The following LIPE variants were observed in gnomAD, a reference collection of about 807,000 sequenced individuals.
LIPE encodes hormone-sensitive lipase.
Under a neutral mutation model 88.5 loss-of-function variants are expected in LIPE, and 66 were observed. The observed-to-expected ratio is 0.75, with a 90% CI of 0.61 to 0.91. The LOEUF (loss-of-function observed/expected upper bound fraction) is 0.91, where lower values mean the gene tolerates loss of function less well. LIPE is among the 40% of genes least tolerant of loss of function. The pLI is 0.00. For synonymous variants in LIPE, 570 were observed against 617.5 expected (o/e 0.92, Z 1.14); for missense variants, 1,346 against 1,434.7 (o/e 0.94, Z 1.00).
intron 1 of LIPE, chr19:42,423,751 G>A (rs1032875658): frequency 8.9e-7 from 1 of 1,117,936 alleles, no homozygotes; most frequent in Admixed American, 4.9e-5. Flanking sequence ...GCCCCCTACC[G>A]CGCATTAAAG....
intron 1 of LIPE, chr19:42,423,072 G>T (rs1322323207): frequency 3.9e-6 from 1 of 256,360 alleles, no homozygotes; most frequent in South Asian, 3.3e-5. Flanking sequence ...CCTGAACATC[G>T]GCGCTTGAAG....
intron 1 of LIPE, among the ~76,000 whole-genome samples, chr19:42,415,222 A>C (rs532127552): frequency 1.3e-5 from 2 of 152,274 alleles, no homozygotes; most frequent in South Asian, 4.1e-4. Flanking sequence ...ATAGAGCGAG[A>C]GTCTGTCTCA....
rs766468332 is a variant in LIPE at position 42,410,455 on chromosome 19, G to A, written c.1271C>T (p.Ala424Val). 3 of 1,614,166 alleles carry A rather than the reference G, an allele frequency of 1.9e-6. No individual in the cohort carries two copies. Among genetic ancestry groups the A allele is most frequent in the Non-Finnish European group, 1.7e-6 (2 of 1,180,038 alleles). The change falls in exon 2 of 10, where the codon GCT becomes GTT. Residue 424 changes from alanine (A) to valine (V), a missense_variant. Coordinates refer to ENST00000244289, the MANE Select transcript of LIPE (RefSeq NM_005357.4). This position sits in a 1 kb window ranked among gnomAD's most constrained non-coding sequence, Gnocchi z 6.1. ...AYLAALTQLR[A>V]LVYYAQRLLV... ...CAGGCGCTGGGCGTAGTAGACCAGA[G>A]CGCGGAGCTGGGTGAGGGCAGCCAG...
intron 1 of LIPE, among the ~76,000 whole-genome samples, chr19:42,411,759 A>G (rs550349810): frequency 6.6e-6 from 1 of 152,230 alleles, no homozygotes; most frequent in Admixed American, 6.5e-5. Flanking sequence ...CCTGGGTTGC[A>G]TGGCCGGCCC....
chr19:42,427,050 T>TG lies in LIPE; in HGVS notation c.99dup (p.Ile34HisfsTer35). Reference sequence around the variant, plus strand: ...AGAGTCTTCGATTCTGGCTGGGCTATGGGTGTCTTTTCTGGCCCAGGCTCT... The same window carrying TG: ...AGAGTCTTCGATTCTGGCTGGGCTATGGGGTGTCTTTTCTGGCCCAGGCTCT... On this transcript the variant is annotated frameshift_variant, in exon 1 of 10. Coordinates refer to ENST00000244289, the MANE Select transcript of LIPE (RefSeq NM_005357.4). LOFTEE classifies it high-confidence loss of function. The TG allele has an allele frequency of 1.2e-6, 2 of 1,613,962 alleles. No individual in the cohort carries two copies. The highest frequency in any genetic ancestry group is 1.1e-5 in the South Asian group (1 of 91,068).
chr19:42,405,972 TCTCTCACACACACACACA>T, intron 7 of LIPE, 171 bp downstream of exon 7: 1 of 563,048 alleles, frequency 1.8e-6, no homozygotes. Flanking sequence ...TCTCTCTCTC[TCTCTCACACACACACACA>T]CACACACACA....
chr19:42,410,703 T>C lies in LIPE; in HGVS notation c.1023A>G (p.Val341=), dbSNP rs1200652330. The change falls in exon 2 of 10, where the codon GTA becomes GTG. Residue 341 remains valine (V), a synonymous_variant. Coordinates refer to ENST00000244289, the MANE Select transcript of LIPE (RefSeq NM_005357.4). This position sits in a 1 kb window ranked among gnomAD's most constrained non-coding sequence, Gnocchi z 6.1. ...AQRLSGVFAG[V]REQALGLEPA... ...GCTCCAGCCCCAGCGCCTGCTCCCG[T>C]ACACCGGCAAAAACGCCTGACAGCC... The C allele has an allele frequency of 6.2e-7, 1 of 1,613,658 alleles. No individual in the cohort carries two copies. Among genetic ancestry groups the C allele is most frequent in the East Asian group, 2.2e-5 (1 of 44,866 alleles).
chr19:42,423,319 C>A, intron 1 of LIPE: 1 of 934,358 alleles, frequency 1.1e-6, no homozygotes, highest in Non-Finnish European at 1.5e-6. Context: ...CCGCGGACCC[C>A]CCCAACTCCC....
intron 1 of LIPE, among the ~76,000 whole-genome samples, chr19:42,417,987 T>TA (rs1262449252): frequency 7.3e-6 from 1 of 137,542 alleles, no homozygotes; most frequent in East Asian, 1.9e-4. Flanking sequence ...TGACCCCCAT[T>TA]TTTTTTTTTT....
chr19:42,410,908 A>G lies in LIPE; in HGVS notation c.884-66T>C, dbSNP rs2040357222. ...AAGCCTTGCTTAGCTGGGGCCCAGG[A>G]GTCTGGGCCATAGCTTACCCACTCC... On this transcript the variant is annotated intron_variant, in intron 1 of 9. Coordinates refer to ENST00000244289, the MANE Select transcript of LIPE (RefSeq NM_005357.4). This position sits in a 1 kb window ranked among gnomAD's most constrained non-coding sequence, Gnocchi z 6.1. 1 of 1,426,908 alleles carries G rather than the reference A, an allele frequency of 7.0e-7. No individual in the cohort carries two copies. The allele number at this position is 1,426,908 out of a possible 1,614,324, so 88.4% of individuals were successfully genotyped here. A position where few individuals can be genotyped will look rare whatever the true frequency, so the allele number is the denominator to read the frequency against.
chr19:42,422,707 C>T (rs1297011984), intron 1 of LIPE, among the ~76,000 whole-genome samples: 1 of 152,126 alleles, frequency 6.6e-6, no homozygotes, highest in Non-Finnish European at 1.5e-5. Flanking sequence ...GCCTTTGTTC[C>T]GCCTTTTGAG....
At position 42,408,564 on chromosome 19, in the gene LIPE, G is replaced by T; in HGVS notation, c.1420-242C>A. 1 of 498,600 alleles carries T rather than the reference G, an allele frequency of 2.0e-6. No homozygotes were observed. The highest frequency in any genetic ancestry group is 2.3e-5 in the South Asian group (1 of 44,020). The allele number at this position is 498,600 out of a possible 1,614,324, so 30.9% of individuals were successfully genotyped here. ...CATGACAAGGAATGACGAATGGTTT[G>T]GAAAAAAAAAAAGGCAGTAGGTGGA... On this transcript the variant is annotated intron_variant, in intron 2 of 9. Coordinates refer to ENST00000244289, the MANE Select transcript of LIPE (RefSeq NM_005357.4). The surrounding 1 kb of genome is among the most constrained non-coding windows in gnomAD (Gnocchi z 4.3).
At position 42,424,960 on chromosome 19, in the gene LIPE, C is replaced by T. The variant is rs1234359414; in HGVS notation, c.883+1307G>A. ...GCCCGTTATCCTCTGATGCTGCTCC[C>T]CCAACTTTCCTGCCGTCAGTCCCTG... On this transcript the variant is annotated intron_variant, in intron 1 of 9. Transcript: ENST00000244289. 3 of 291,002 alleles carry T rather than the reference C, an allele frequency of 1.0e-5. No individual in the cohort carries two copies. In the Admixed American group the frequency reaches 1.5e-4, roughly 15 times the overall value. 18.0% of individuals were successfully genotyped at this position (291,002 alleles called of 1,614,324 possible). A position where few individuals can be genotyped will look rare whatever the true frequency, so the allele number is the denominator to read the frequency against.
At chr19:42,416,518 G>C (rs896567449) in intron 1 of LIPE, among the ~76,000 whole-genome samples, 1 of 152,342 alleles carries the variant, frequency 6.6e-6, no homozygotes, top group South Asian at 2.1e-4. Flanking sequence ...TTCCTAGCTG[G>C]AGGGGAGGTC....
intron 8 of LIPE, among the ~76,000 whole-genome samples, chr19:42,404,391 C>T (rs752685276): frequency 7.9e-5 from 12 of 152,072 alleles, no homozygotes; most frequent in Non-Finnish European, 1.3e-4. Context: ...CCACCATGCC[C>T]GGCTAATTTT....
chr19:42,408,105 A>G lies in LIPE; in HGVS notation c.1527T>C (p.Ser509=). The change falls in exon 4 of 10, where the codon TCT becomes TCC. Residue 509 remains serine, a synonymous_variant. Transcript: ENST00000244289. This position sits in a 1 kb window ranked among gnomAD's most constrained non-coding sequence, Gnocchi z 4.3. ...NETGLSVAAS[S]LFTSGRFAID... Reference sequence around the variant, plus strand: ...TGGCAAAGCGGCCGCTGGTGAAGAGAGAGCTGGCGGCCACACCTAGGGGTC... The same window carrying G: ...TGGCAAAGCGGCCGCTGGTGAAGAGGGAGCTGGCGGCCACACCTAGGGGTC... The G allele has an allele frequency of 6.2e-7, 1 of 1,613,770 alleles. No individual in the cohort carries two copies. The highest frequency in any genetic ancestry group is 8.5e-7 in the Non-Finnish European group (1 of 1,179,900).
intron 2 of LIPE, among the ~76,000 whole-genome samples, chr19:42,409,552 C>T (rs1317257349): frequency 6.6e-6 from 1 of 152,176 alleles, no homozygotes; most frequent in Non-Finnish European, 1.5e-5. Context: ...GAGCAGTGAC[C>T]AAGACAGGGG....
In LIPE at chr19:42,408,113, CG is replaced by C. The variant is rs1568601507; in HGVS notation, c.1518del (p.Ala507ProfsTer56). ...YKRNETGLSV[A>X]ASSLFTSGRF... ...CGGCCGCTGGTGAAGAGAGAGCTGG[CG>C]GCCACACCTAGGGGTCAGAAGGGGT... is the stretch of plus-strand genomic sequence containing the variant. On this transcript the variant is annotated frameshift_variant, in exon 4 of 10. Transcript: ENST00000244289. LOFTEE classifies it high-confidence loss of function. The surrounding 1 kb of genome is among the most constrained non-coding windows in gnomAD (Gnocchi z 4.3). The C allele has an allele frequency of 6.2e-7, 1 of 1,613,818 alleles. No homozygotes were observed. Among genetic ancestry groups the C allele is most frequent in the African/African-American group, 1.3e-5 (1 of 75,008 alleles).
rs745501214 is a variant in LIPE, at chr19:42,407,421, G to A, written c.1890C>T (p.Ser630=). 6.2e-7 allele frequency: 1 copy of A among 1,613,610 alleles called. No individual in the cohort carries two copies. The change falls in exon 6 of 10, where the codon AGC becomes AGT. Residue 630 remains serine, a synonymous_variant. Transcript: ENST00000244289. The surrounding 1 kb of genome is among the most constrained non-coding windows in gnomAD (Gnocchi z 5.8). ...GCTGGGGGCGCGGCCACAGCTCCAGGCTCCGTTGGCCGTTGGACTTTATCA... is the reference window on the plus strand; with the variant it reads ...GCTGGGGGCGCGGCCACAGCTCCAGACTCCGTTGGCCGTTGGACTTTATCA... ...SSLIKSNGQR[S]LELWPRPQQA...
Sources: allele counts gnomAD v4.1 joint callset (sites outside exome capture counted in the v4.1 genomes callset), GRCh38; gene constraint gnomAD v4.1.1; non-coding constraint Gnocchi (gnomAD v3.1); transcripts MANE v1.5; gene names NCBI Gene and HGNC (gene_info 2026-07-23, HGNC 2026-07-21).